CCDC3: variants seen among roughly 807,000 people sequenced by gnomAD.
The protein encoded by CCDC3 is coiled-coil domain-containing protein 3.
Under a neutral mutation model 21.4 loss-of-function variants are expected in CCDC3, and 24 were observed. The ratio of observed to expected loss-of-function variants is 1.12; its 90% confidence interval spans 0.81 to 1.58. The LOEUF (loss-of-function observed/expected upper bound fraction) is 1.58. Ranked by LOEUF, CCDC3 falls within the 40% of genes most tolerant of loss-of-function variation. The pLI is 0.00. For missense variants in CCDC3, 425 were observed against 360.9 expected (o/e 1.18, Z -1.44); for synonymous variants, 186 against 166.0 (o/e 1.12, Z -0.93).
intron 5 of CCDC3, among the ~76,000 whole-genome samples, chr10:13,030,322 A>T (rs1836283377): frequency 6.6e-6 from 1 of 152,238 alleles, no homozygotes; most frequent in African/African-American, 2.4e-5. Flanking sequence ...GGCCTGCCTT[A>T]CAAGAGCTCC....
intron 5 of CCDC3, among the ~76,000 whole-genome samples, chr10:13,015,620 C>T (rs1040478758): frequency 6.6e-6 from 1 of 152,000 alleles, no homozygotes; most frequent in East Asian, 1.9e-4. Flanking sequence ...AGCTGCAATT[C>T]GGACCCATTA....
intron 2 of CCDC3, among the ~76,000 whole-genome samples, chr10:12,992,819 C>T (rs1835701152): frequency 6.6e-6 from 1 of 152,154 alleles, no homozygotes; most frequent in African/African-American, 2.4e-5. Flanking sequence ...ATTTTTAAAA[C>T]ACCACTGACT....
At chr10:12,984,080 A>AAAAC (rs773299178) in intron 2 of CCDC3, among the ~76,000 whole-genome samples, 4 of 152,210 alleles carry the variant, frequency 2.6e-5, no homozygotes, top group South Asian at 4.1e-4. Flanking sequence ...ACTCTCTCAA[A>AAAAC]AAACAAACAA....
chr10:12,934,335 T>C (rs1195720555), intron 2 of CCDC3, among the ~76,000 whole-genome samples: 1 of 152,232 alleles, frequency 6.6e-6, no homozygotes, highest in Non-Finnish European at 1.5e-5. Flanking sequence ...TCTATTCTTT[T>C]TGATTTTTTA....
At chr10:13,030,000 G>A (rs1836278003) in intron 5 of CCDC3, among the ~76,000 whole-genome samples, 1 of 152,080 alleles carries the variant, frequency 6.6e-6, no homozygotes, top group African/African-American at 2.4e-5. Flanking sequence ...AAGCCACAAA[G>A]ATACTCCTCG....
Position 12,898,094 on chromosome 10 carries a change from T to G in CCDC3, c.*322A>C. 3.0e-6 allele frequency: 1 copy of G among 331,590 alleles called. No homozygotes were observed. Among genetic ancestry groups the G allele is most frequent in the Non-Finnish European group, 5.5e-6 (1 of 180,638 alleles). The allele number at this position is 331,590 out of a possible 1,614,324, so 20.5% of individuals were successfully genotyped here. On this transcript the variant is annotated 3_prime_UTR_variant, in exon 3 of 3. Transcript: ENST00000378825. ...ACGTTGATGTCTTTTACACTAGAGA[T>G]TCTAAAATGTTCTCTCCCCAGTCAG...
intron 2 of CCDC3, among the ~76,000 whole-genome samples, chr10:12,954,238 T>C (rs1835050744): frequency 6.6e-6 from 1 of 152,142 alleles, no homozygotes; most frequent in Non-Finnish European, 1.5e-5. Flanking sequence ...AAATCAATAC[T>C]CTAGTAGTTT....
intron 4 of CCDC3, among the ~76,000 whole-genome samples, chr10:13,050,357 A>G (rs919082655): frequency 2.0e-5 from 3 of 152,016 alleles, no homozygotes; most frequent in African/African-American, 7.3e-5. Context: ...ACCTTTAAAT[A>G]CCTAAATAAG....
In CCDC3 at chr10:13,083,557, AT is replaced by A. The variant is rs1476319296; in HGVS notation, c.-502-9458del. On this transcript the variant is annotated intron_variant, in intron 3 of 6. Transcript: ENST00000378839. ...AGCTGTTAAATGTGCTCACAGGCACATAGTACATTCTATGTCCTTGTACTTT... is the reference window on the plus strand; with the variant it reads ...AGCTGTTAAATGTGCTCACAGGCACAAGTACATTCTATGTCCTTGTACTTT... 3.3e-5 allele frequency among the ~76,000 whole-genome samples: 5 copies of A among 152,358 alleles called. No homozygotes were observed. In the East Asian group the frequency reaches 9.6e-4, roughly 29 times the overall value.
intron 4 of CCDC3, among the ~76,000 whole-genome samples, chr10:13,072,324 A>T (rs1294373497): frequency 6.6e-6 from 1 of 152,132 alleles, no homozygotes; most frequent in East Asian, 1.9e-4. Flanking sequence ...GCCCCCTGTT[A>T]GCAGAAAGCA....
chr10:13,065,840 C>G (rs973353086), intron 4 of CCDC3, among the ~76,000 whole-genome samples: 6 of 152,174 alleles, frequency 3.9e-5, no homozygotes, highest in Non-Finnish European at 1.5e-5. Flanking sequence ...TAAGTTCCAT[C>G]CAGACAGGAA....
At chr10:12,898,765 T>G in intron 2 of CCDC3, 86 bp from the exon 3 acceptor site, 1 of 1,491,858 alleles carries the variant, frequency 6.7e-7, no homozygotes, top group East Asian at 2.4e-5. Context: ...CTTCCCCGAG[T>G]GCTGACAGCA....
At position 13,094,920 on chromosome 10, in the gene CCDC3, A is replaced by G. The variant is rs12359776; in HGVS notation, c.-503+3605T>C. On this transcript the variant is annotated intron_variant, in intron 3 of 6. Transcript: ENST00000378839. Reference sequence around the variant, plus strand: ...GAAGGAGGAGCTTAGCACAGCACACACACCGTGAACAGGCTTGTCTCAAAG... The same window carrying G: ...GAAGGAGGAGCTTAGCACAGCACACGCACCGTGAACAGGCTTGTCTCAAAG... 8.5e-5 allele frequency among the ~76,000 whole-genome samples: 13 copies of G among 152,128 alleles called. No homozygotes were observed. In the South Asian group the frequency reaches 2.7e-3, roughly 32 times the overall value.
chr10:13,027,808 G>A (rs192471959), intron 5 of CCDC3, among the ~76,000 whole-genome samples: 21 of 151,750 alleles, frequency 1.4e-4, no homozygotes, highest in African/African-American at 5.1e-4. Context: ...ACTACTATTA[G>A]CACCATTTTA....
chr10:13,079,994 G>A (rs1457415593), intron 3 of CCDC3, among the ~76,000 whole-genome samples: 1 of 152,236 alleles, frequency 6.6e-6, no homozygotes, highest in African/African-American at 2.4e-5. Context: ...GTCAAAGAAA[G>A]TGCTATAAGG....
chr10:13,018,412 C>T (rs1035586972), intron 5 of CCDC3, among the ~76,000 whole-genome samples: 3 of 152,056 alleles, frequency 2.0e-5, no homozygotes, highest in Non-Finnish European at 2.9e-5. Context: ...TCAGTATCTG[C>T]CCAGGGAATG....
chr10:12,904,979 G>A (rs1410849581), intron 2 of CCDC3, among the ~76,000 whole-genome samples: 2 of 151,772 alleles, frequency 1.3e-5, no homozygotes, highest in African/African-American at 4.8e-5. Flanking sequence ...CACCAGACAT[G>A]CCAAAGAGTC....
chr10:12,952,769 G>T (rs1432449940), intron 2 of CCDC3, among the ~76,000 whole-genome samples: 1 of 152,176 alleles, frequency 6.6e-6, no homozygotes, highest in African/African-American at 2.4e-5. Flanking sequence ...CAGGCCAGGT[G>T]TGACCTCAAA....
chr10:13,072,697 G>A (rs1437981002), intron 4 of CCDC3, among the ~76,000 whole-genome samples: 1 of 151,436 alleles, frequency 6.6e-6, no homozygotes. Flanking sequence ...TCCCCCTTTT[G>A]CCCAATAAAA....
Sources: allele counts gnomAD v4.1 joint callset (sites outside exome capture counted in the v4.1 genomes callset), GRCh38; gene constraint gnomAD v4.1.1; transcripts MANE v1.5; gene names NCBI Gene and HGNC (gene_info 2026-07-23, HGNC 2026-07-21).